The following NALF1 variants were observed in gnomAD, a reference collection of about 807,000 sequenced individuals.
NALF1 encodes NALCN channel auxiliary factor 1.
Under a neutral mutation model 48.4 loss-of-function variants are expected in NALF1, and 3 were observed. The observed-to-expected ratio is 0.06, with a 90% CI of 0.03 to 0.16. NALF1 has a LOEUF of 0.16. Ranked by LOEUF, NALF1 falls within the 10% of genes least tolerant of loss-of-function variation. The pLI is 1.00. For missense variants in NALF1, 526 were observed against 571.5 expected, an observed-to-expected ratio of 0.92 and a Z score of 0.81; for synonymous variants, 262 against 245.7, an observed-to-expected ratio of 1.07 and a Z score of -0.62.
At position 107,198,291 on chromosome 13, in the gene NALF1, G is replaced by A. The variant is rs1289885683; in HGVS notation, c.1087+12293C>T. Among the ~76,000 whole-genome samples the A allele has an allele frequency of 2.0e-5, 3 of 152,148 alleles. No individual in the cohort carries two copies. In the East Asian group the frequency reaches 5.8e-4, roughly 29 times the overall value. The stretch of plus-strand genomic sequence containing the variant: ...TCCAATTATTAAACCATGATTAATG[G>A]GACATAGCACACACAGCAGCATTGC... On this transcript the variant is annotated intron_variant, in intron 2 of 2. Coordinates refer to ENST00000375915, the MANE Select transcript of NALF1 (RefSeq NM_001080396.3).
chr13:107,821,099 C>A (rs1034955744), intron 1 of NALF1, among the ~76,000 whole-genome samples: 17 of 152,192 alleles, frequency 1.1e-4, no homozygotes, highest in African/African-American at 4.1e-4. Flanking sequence ...ACAAATGTTT[C>A]CTTAAGGACT....
Position 107,240,362 on chromosome 13 carries a change from A to T in NALF1, c.916-29607T>A, listed in dbSNP as rs369466670. ...GATTATAAGCAACCCAGTTTCTGGTAGATTTTTATAGTAGTCCAAACACAC... is the reference window on the plus strand; with the variant it reads ...GATTATAAGCAACCCAGTTTCTGGTTGATTTTTATAGTAGTCCAAACACAC... On this transcript the variant is annotated intron_variant, in intron 1 of 2. Transcript: ENST00000375915. Among the ~76,000 whole-genome samples the T allele has an allele frequency of 3.3e-4, 51 of 152,312 alleles. 1 individual carries two copies. The highest frequency in any genetic ancestry group is 1.2e-3 in the African/African-American group (50 of 41,572).
intron 1 of NALF1, among the ~76,000 whole-genome samples, chr13:107,708,048 A>C (rs1429817608): frequency 6.6e-6 from 1 of 152,106 alleles, no homozygotes; most frequent in African/African-American, 2.4e-5. Flanking sequence ...ATAGCACCAA[A>C]GAAATAATAA....
At chr13:107,269,796 A>T (rs528444073) in intron 1 of NALF1, among the ~76,000 whole-genome samples, 1 of 151,834 alleles carries the variant, frequency 6.6e-6, no homozygotes, top group Non-Finnish European at 1.5e-5. Context: ...TTATTATATA[A>T]GGAAGAAATA....
At chr13:107,319,472 A>T (rs1594118530) in intron 1 of NALF1, among the ~76,000 whole-genome samples, 2 of 152,198 alleles carry the variant, frequency 1.3e-5, no homozygotes, top group African/African-American at 4.8e-5. Flanking sequence ...GATGGAACAG[A>T]TAAAGGCGCA....
rs1883080022 is a variant in NALF1 at position 107,362,443 on chromosome 13, A to G, written c.916-151688T>C. On this transcript the variant is annotated intron_variant, in intron 1 of 2. Transcript: ENST00000375915. This position sits in a 1 kb window ranked among gnomAD's most constrained non-coding sequence, Gnocchi z 4.6. Reference sequence around the variant, plus strand: ...CTTGCCTCCTCCTGACTTTGGAGGTATCAGGCAATCGGTGACATCTCTTGA... The same window carrying G: ...CTTGCCTCCTCCTGACTTTGGAGGTGTCAGGCAATCGGTGACATCTCTTGA... 1.3e-5 allele frequency among the ~76,000 whole-genome samples: 2 copies of G among 152,092 alleles called. No homozygotes were observed. Among genetic ancestry groups the G allele is most frequent in the Admixed American group, 1.3e-4 (2 of 15,268 alleles).
chr13:107,795,954 A>T (rs1310316357), intron 1 of NALF1, among the ~76,000 whole-genome samples: 1 of 152,158 alleles, frequency 6.6e-6, no homozygotes, highest in African/African-American at 2.4e-5. Flanking sequence ...GAGAAAAATC[A>T]CCTATCACAG....
At chr13:107,856,733 G>A (rs1219889144) in intron 1 of NALF1, among the ~76,000 whole-genome samples, 1 of 152,046 alleles carries the variant, frequency 6.6e-6, no homozygotes, top group African/African-American at 2.4e-5. Context: ...TCACTTCCGG[G>A]TGCCTCATCT....
chr13:107,412,047 C>T (rs1042644919), intron 1 of NALF1, among the ~76,000 whole-genome samples: 10 of 152,044 alleles, frequency 6.6e-5, no homozygotes, highest in African/African-American at 2.2e-4. Flanking sequence ...CTTTATGAAC[C>T]GCACAATCCT....
chr13:107,440,813 A>G (rs1566343580), intron 1 of NALF1, among the ~76,000 whole-genome samples: 2 of 152,256 alleles, frequency 1.3e-5, no homozygotes, highest in East Asian at 3.9e-4. Flanking sequence ...CACAGTTCCT[A>G]TGCTGTGTTG....
intron 1 of NALF1, among the ~76,000 whole-genome samples, chr13:107,494,375 G>C (rs959884859): frequency 6.6e-6 from 1 of 152,150 alleles, no homozygotes; most frequent in African/African-American, 2.4e-5. Flanking sequence ...TGCTGACTTT[G>C]TTGATAAACA....
chr13:107,226,835 G>A (rs1880116744), intron 1 of NALF1, among the ~76,000 whole-genome samples: 1 of 152,094 alleles, frequency 6.6e-6, no homozygotes, highest in South Asian at 2.1e-4. Context: ...TCTATTCCAT[G>A]GGTTTGAAAA....
At chr13:107,172,808 T>C (rs1878834021) in intron 2 of NALF1, among the ~76,000 whole-genome samples, 1 of 152,160 alleles carries the variant, frequency 6.6e-6, no homozygotes, top group Non-Finnish European at 1.5e-5. Context: ...TCAGAATATA[T>C]TTAACAATGT....
intron 1 of NALF1, among the ~76,000 whole-genome samples, chr13:107,482,261 G>A (rs1049149162): frequency 2.7e-4 from 41 of 152,148 alleles, no homozygotes; most frequent in African/African-American, 7.7e-4. Flanking sequence ...GTCTCCAGCC[G>A]TGGCCTCCCC....
chr13:107,409,198 A>AAAAATC lies in NALF1; in HGVS notation c.916-198449_916-198444dup, dbSNP rs1594047146. On this transcript the variant is annotated intron_variant, in intron 1 of 2. Coordinates refer to ENST00000375915, the MANE Select transcript of NALF1 (RefSeq NM_001080396.3). The stretch of plus-strand genomic sequence containing the variant: ...CAACCACCACTGCAGTAAAATAATG[A>AAAAATC]AAAATCAATTCAACATCATTTATTT... Among the ~76,000 whole-genome samples, 5 of 152,294 alleles carry AAAAATC rather than the reference A, an allele frequency of 3.3e-5. No individual in the cohort carries two copies. The South Asian group carries it at 6.2e-4, about 19-fold the overall frequency.
At chr13:107,200,179 G>T (rs552769883) in intron 2 of NALF1, among the ~76,000 whole-genome samples, 1 of 152,320 alleles carries the variant, frequency 6.6e-6, no homozygotes, top group African/African-American at 2.4e-5. Context: ...AGCACAGGGT[G>T]CTCTGGGCAC....
rs184090772 is a variant in NALF1 at position 107,791,450 on chromosome 13, G to A, written c.915+74232C>T. Reference sequence around the variant, plus strand: ...TTATCGTTTTAGACTTTAGGCTTTTGTCAAGTTTTCCACAAGGGCATGTCA... The same window carrying A: ...TTATCGTTTTAGACTTTAGGCTTTTATCAAGTTTTCCACAAGGGCATGTCA... On this transcript the variant is annotated intron_variant, in intron 1 of 2. Coordinates refer to ENST00000375915, the MANE Select transcript of NALF1 (RefSeq NM_001080396.3). 5.3e-5 allele frequency among the ~76,000 whole-genome samples: 8 copies of A among 152,146 alleles called. No individual in the cohort carries two copies. In the East Asian group the frequency reaches 1.4e-3, roughly 26 times the overall value.
chr13:107,617,954 G>A (rs1879424617), intron 1 of NALF1, among the ~76,000 whole-genome samples: 2 of 152,166 alleles, frequency 1.3e-5, no homozygotes, highest in East Asian at 1.9e-4. Context: ...AATGCATTTT[G>A]TTCATTTGTT....
At chr13:107,248,738 A>G (rs1380772386) in intron 1 of NALF1, among the ~76,000 whole-genome samples, 5 of 151,674 alleles carry the variant, frequency 3.3e-5, no homozygotes, top group African/African-American at 1.2e-4. Flanking sequence ...AGAAACTTCT[A>G]ATGGGTAGTA....
Sources: allele counts gnomAD v4.1 joint callset (sites outside exome capture counted in the v4.1 genomes callset), GRCh38; gene constraint gnomAD v4.1.1; non-coding constraint Gnocchi (gnomAD v3.1); transcripts MANE v1.5; gene names NCBI Gene and HGNC (gene_info 2026-07-23, HGNC 2026-07-21).